Variants in TP73 observed in about 807,000 individuals in gnomAD.
The protein encoded by TP73 is tumor protein p73.
Under a neutral mutation model 62.5 loss-of-function variants are expected in TP73, and 25 were observed. The observed-to-expected ratio is 0.40, with a 90% CI of 0.29 to 0.56. TP73 has a LOEUF of 0.56. Ranked by LOEUF, TP73 falls within the 20% of genes least tolerant of loss-of-function variation. The probability of loss-of-function intolerance (pLI) is 0.46; values close to 1 mark genes in which losing one functional copy is unlikely to be tolerated. For missense variants in TP73, 754 were observed against 913.3 expected (o/e 0.83, Z 2.25); for synonymous variants, 423 against 377.5 (o/e 1.12, Z -1.40).
Position 3,699,127 on chromosome 1 carries a change from G to A in TP73, c.187-8422G>A, listed in dbSNP as rs1339702188. On this transcript the variant is annotated intron_variant, in intron 3 of 13. Coordinates refer to ENST00000378295, the MANE Select transcript of TP73 (RefSeq NM_005427.4). The surrounding 1 kb of genome is among the most constrained non-coding windows in gnomAD (Gnocchi z 4.1). ...CAGAGGGTGCTGTGTGCACATTGTC[G>A]GGAGAGGGAGGCTTCCCCCCAGCCG... is the stretch of plus-strand genomic sequence containing the variant. 6.6e-6 allele frequency among the ~76,000 whole-genome samples: 1 copy of A among 150,958 alleles called. No homozygotes were observed. The highest frequency in any genetic ancestry group is 1.9e-4 in the East Asian group (1 of 5,198).
At position 3,701,387 on chromosome 1, in the gene TP73, C is replaced by G. The variant is rs568492836; in HGVS notation, c.187-6162C>G. On this transcript the variant is annotated intron_variant, in intron 3 of 13. Coordinates refer to ENST00000378295, the MANE Select transcript of TP73 (RefSeq NM_005427.4). The surrounding 1 kb of genome is among the most constrained non-coding windows in gnomAD (Gnocchi z 4.7). ...GGTCATGCCTCGTGCATGGGAGCTTCCTGGACATTGGTTCCAGGAGGGCTC... is the reference window on the plus strand; with the variant it reads ...GGTCATGCCTCGTGCATGGGAGCTTGCTGGACATTGGTTCCAGGAGGGCTC... 6.6e-6 allele frequency among the ~76,000 whole-genome samples: 1 copy of G among 152,322 alleles called. No individual in the cohort carries two copies. The highest frequency in any genetic ancestry group is 1.9e-4 in the East Asian group (1 of 5,186).
intron 4 of TP73, among the ~76,000 whole-genome samples, chr1:3,716,338 G>A (rs1640595776): frequency 6.6e-6 from 1 of 152,336 alleles, no homozygotes; most frequent in Non-Finnish European, 1.5e-5. Flanking sequence ...CGCTGGGCCT[G>A]GCACTGGCTG....
chr1:3,721,629 G>T (rs1641078682), intron 4 of TP73, among the ~76,000 whole-genome samples: 1 of 152,238 alleles, frequency 6.6e-6, no homozygotes, highest in Non-Finnish European at 1.5e-5. Context: ...AAATGCCGCA[G>T]TCAGGGACAT....
chr1:3,688,179 G>A lies in TP73; in HGVS notation c.186+4999G>A, dbSNP rs144639372. Among the ~76,000 whole-genome samples the A allele has an allele frequency of 8.3e-4, 126 of 152,184 alleles. 1 individual carries two copies. Among genetic ancestry groups the A allele is most frequent in the East Asian group, 4.5e-3 (23 of 5,156 alleles). On this transcript the variant is annotated intron_variant, in intron 3 of 13. Transcript: ENST00000378295. The stretch of plus-strand genomic sequence containing the variant: ...TCAGCTCTGAGACTCCAGCCCACCC[G>A]TTACCCCCTCCCAGAGAGCCCCCAC...
intron 3 of TP73, among the ~76,000 whole-genome samples, chr1:3,702,472 G>A (rs1475966555): frequency 7.0e-6 from 1 of 143,196 alleles, no homozygotes. Context: ...CCACACCCCA[G>A]CCCCCAGCCC....
At chr1:3,724,598 G>A (rs1641354844) in intron 6 of TP73, among the ~76,000 whole-genome samples, 1 of 152,242 alleles carries the variant, frequency 6.6e-6, no homozygotes, top group Admixed American at 6.5e-5. Context: ...CCCCCTGGTG[G>A]CTGCCGTGTG....
At chr1:3,731,421 T>A (rs1302474081) in intron 12 of TP73, 42 bp from the exon 13 acceptor site, 5 of 1,585,876 alleles carry the variant, frequency 3.2e-6, no homozygotes. Context: ...AGCCCTGTGC[T>A]CGGAAGCTAA....
At position 3,663,526 on chromosome 1, in the gene TP73, T is replaced by G. The variant is rs1472783043; in HGVS notation, c.-34+10885T>G. On this transcript the variant is annotated intron_variant, in intron 1 of 13. Coordinates refer to ENST00000378295, the MANE Select transcript of TP73 (RefSeq NM_005427.4). The surrounding 1 kb of genome is among the most constrained non-coding windows in gnomAD (Gnocchi z 4.7). ...GTCAGGAGATCGAGACTATACTGGC[T>G]CACACGGTGAAACCCCATCTCTACT... is the stretch of plus-strand genomic sequence containing the variant. Among the ~76,000 whole-genome samples the G allele has an allele frequency of 6.6e-6, 1 of 151,876 alleles. No individual in the cohort carries two copies. Among genetic ancestry groups the G allele is most frequent in the Non-Finnish European group, 1.5e-5 (1 of 67,940 alleles).
intron 7 of TP73, 36 bp from the exon 8 acceptor site, chr1:3,727,592 G>T (rs1477714552): frequency 6.3e-7 from 1 of 1,580,012 alleles, no homozygotes; most frequent in Non-Finnish European, 8.6e-7. Context: ...GGTGGGCAGG[G>T]TTGAGCTCAC....
intron 3 of TP73, among the ~76,000 whole-genome samples, chr1:3,700,753 C>A (rs974872425): frequency 1.6e-4 from 24 of 152,150 alleles, no homozygotes; most frequent in African/African-American, 5.8e-4. Context: ...TGCACTCCAG[C>A]CTGGGCGACA....
At chr1:3,705,110 C>G (rs1363566860) in intron 3 of TP73, among the ~76,000 whole-genome samples, 1 of 152,246 alleles carries the variant, frequency 6.6e-6, no homozygotes, top group Non-Finnish European at 1.5e-5. Context: ...GATCTTGGCT[C>G]TCTGCCGTCT....
intron 4 of TP73, among the ~76,000 whole-genome samples, chr1:3,720,980 C>T (rs1641022840): frequency 6.6e-6 from 1 of 152,186 alleles, no homozygotes; most frequent in South Asian, 2.1e-4. Flanking sequence ...GTGAGGGGCA[C>T]AGAGGGCATG....
At chr1:3,711,844 GTA>G (rs147841529) in intron 4 of TP73, among the ~76,000 whole-genome samples, 26 of 145,194 alleles carry the variant, frequency 1.8e-4, no homozygotes, top group Middle Eastern at 3.6e-3. Context: ...GCGAGCGTGT[GTA>G]TGTGTGTGTG....
In TP73 at chr1:3,733,125, C is replaced by T. The variant is rs1253444440; in HGVS notation, c.*46C>T. The T allele has an allele frequency of 2.7e-6, 4 of 1,483,520 alleles. No individual in the cohort carries two copies. In the East Asian group the frequency reaches 9.9e-5, roughly 37 times the overall value. 91.9% of individuals were successfully genotyped at this position (1,483,520 alleles called of 1,614,324 possible). A position where few individuals can be genotyped will look rare whatever the true frequency, so the allele number is the denominator to read the frequency against. ...CTGCGCCACCGCCCAGAGACCCAAG[C>T]TGCCTCCCCTCTCCTTCCTGTGTGT... On this transcript the variant is annotated 3_prime_UTR_variant, in exon 14 of 14. Coordinates refer to ENST00000378295, the MANE Select transcript of TP73 (RefSeq NM_005427.4).
chr1:3,670,463 G>A lies in TP73; in HGVS notation c.-33-11870G>A, dbSNP rs1259344988. Among the ~76,000 whole-genome samples, 11 of 152,020 alleles carry A rather than the reference G, an allele frequency of 7.2e-5. No individual in the cohort carries two copies. Among genetic ancestry groups the A allele is most frequent in the African/African-American group, 9.7e-5 (4 of 41,386 alleles). On this transcript the variant is annotated intron_variant, in intron 1 of 13. Coordinates refer to ENST00000378295, the MANE Select transcript of TP73 (RefSeq NM_005427.4). This position sits in a 1 kb window ranked among gnomAD's most constrained non-coding sequence, Gnocchi z 5.9. Reference sequence around the variant, plus strand: ...GTGGATCAACAGAGGTCAGGAGTTCGAGAGCAACCTGGCCAACATGGTGAA... The same window carrying A: ...GTGGATCAACAGAGGTCAGGAGTTCAAGAGCAACCTGGCCAACATGGTGAA...
intron 4 of TP73, among the ~76,000 whole-genome samples, chr1:3,715,092 C>T (rs1001753276): frequency 3.9e-5 from 6 of 152,182 alleles, no homozygotes; most frequent in Non-Finnish European, 1.5e-5. Flanking sequence ...GCTGGGCCAC[C>T]CAATCCCAGC....
At chr1:3,679,018 G>A (rs1235440733) in intron 1 of TP73, among the ~76,000 whole-genome samples, 2 of 152,218 alleles carry the variant, frequency 1.3e-5, no homozygotes, top group East Asian at 3.9e-4. Flanking sequence ...TGGGATCGGG[G>A]ACCCACGACC....
At chr1:3,682,112 A>C (rs1645537701) in intron 1 of TP73, among the ~76,000 whole-genome samples, 1 of 152,164 alleles carries the variant, frequency 6.6e-6, no homozygotes, top group Non-Finnish European at 1.5e-5. Flanking sequence ...CAGGCCCGCC[A>C]CCTCCAAGGC....
rs1281098619 is a variant in TP73, at chr1:3,670,620, C to T, written c.-33-11713C>T. Among the ~76,000 whole-genome samples, 5 of 151,852 alleles carry T rather than the reference C, an allele frequency of 3.3e-5. 1 individual carries two copies. The highest frequency in any genetic ancestry group is 6.3e-3 in the Middle Eastern group (2 of 316). ...GGCGGAGGTTGCAGTGAGCTGAGATCGTACCACTGCACTCCAGCCTGGGTG... is the reference window on the plus strand; with the variant it reads ...GGCGGAGGTTGCAGTGAGCTGAGATTGTACCACTGCACTCCAGCCTGGGTG... On this transcript the variant is annotated intron_variant, in intron 1 of 13. Transcript: ENST00000378295. The surrounding 1 kb of genome is among the most constrained non-coding windows in gnomAD (Gnocchi z 5.9).
Sources: allele counts gnomAD v4.1 joint callset (sites outside exome capture counted in the v4.1 genomes callset), GRCh38; gene constraint gnomAD v4.1.1; non-coding constraint Gnocchi (gnomAD v3.1); transcripts MANE v1.5; gene names NCBI Gene and HGNC (gene_info 2026-07-23, HGNC 2026-07-21).